CSMD1: variants seen among roughly 807,000 people sequenced by gnomAD.
CSMD1 encodes the protein CUB and sushi domain-containing protein 1.
A neutral mutation model predicts 417.5 loss-of-function variants in CSMD1; 213 were observed. The ratio of observed to expected loss-of-function variants is 0.51; its 90% CI spans 0.46 to 0.57. The LOEUF is 0.57. CSMD1 is among the 20% of genes least tolerant of loss of function. CSMD1 has a pLI of 0.00. For missense variants in CSMD1, 6,923 were observed against 4,529.7 expected (o/e 1.53, Z -15.17); for synonymous variants, 2,862 against 1,736.8 (o/e 1.65, Z -16.11).
intron 2 of CSMD1, among the ~76,000 whole-genome samples, chr8:4,608,022 G>C (rs1800973055): frequency 6.6e-6 from 1 of 152,122 alleles, no homozygotes; most frequent in Non-Finnish European, 1.5e-5. Context: ...TAATGTGAGG[G>C]TGTGTCCTTG....
chr8:3,005,899 A>G (rs1173753598), intron 52 of CSMD1, among the ~76,000 whole-genome samples: 1 of 152,072 alleles, frequency 6.6e-6, no homozygotes, highest in Non-Finnish European at 1.5e-5. Context: ...CCTATTCAAC[A>G]TAGTGTCGGA....
chr8:3,551,664 G>C (rs1268148510), intron 10 of CSMD1, among the ~76,000 whole-genome samples: 2 of 146,234 alleles, frequency 1.4e-5, no homozygotes, highest in African/African-American at 5.0e-5. Flanking sequence ...CCAAGCCAGT[G>C]TATAGTTTCT....
intron 1 of CSMD1, among the ~76,000 whole-genome samples, chr8:4,638,941 T>C (rs2617009): frequency 0.84 from 127,935 of 152,138 alleles, 54,260 homozygotes; most frequent in African/African-American, 0.95. Context: ...TGGAGTAGTT[T>C]GAAAGAATAG....
At chr8:4,900,405 A>G (rs536116022) in intron 1 of CSMD1, among the ~76,000 whole-genome samples, 2 of 152,298 alleles carry the variant, frequency 1.3e-5, no homozygotes, top group East Asian at 1.9e-4. Context: ...CCTCTGCACC[A>G]TATCTATCAC....
At chr8:4,327,852 A>T (rs1269717538) in intron 3 of CSMD1, among the ~76,000 whole-genome samples, 1 of 152,220 alleles carries the variant, frequency 6.6e-6, no homozygotes, top group African/African-American at 2.4e-5. Context: ...TTGAAAGATG[A>T]CACATTTTGT....
chr8:3,376,356 G>C (rs1362233049), intron 18 of CSMD1, among the ~76,000 whole-genome samples: 1 of 151,898 alleles, frequency 6.6e-6, no homozygotes, highest in Non-Finnish European at 1.5e-5. Context: ...TATTTGAATT[G>C]GGAAGGAAAG....
intron 2 of CSMD1, among the ~76,000 whole-genome samples, chr8:4,438,841 G>A (rs972966282): frequency 1.3e-5 from 2 of 152,174 alleles, no homozygotes; most frequent in South Asian, 2.1e-4. Flanking sequence ...ATTGAAAGGT[G>A]TATTATCTGA....
intron 26 of CSMD1, among the ~76,000 whole-genome samples, chr8:3,274,091 T>C (rs1229206916): frequency 6.6e-6 from 1 of 151,974 alleles, no homozygotes; most frequent in Non-Finnish European, 1.5e-5. Context: ...CTCTACACAC[T>C]GCTTTGAATG....
intron 5 of CSMD1, among the ~76,000 whole-genome samples, chr8:3,823,472 G>T (rs1026135615): frequency 6.6e-6 from 1 of 152,060 alleles, no homozygotes; most frequent in Admixed American, 6.6e-5. Context: ...TTTATGCAAC[G>T]AATGTATTTT....
chr8:3,441,732 A>C (rs989195081), intron 12 of CSMD1, among the ~76,000 whole-genome samples: 1 of 152,160 alleles, frequency 6.6e-6, no homozygotes, highest in Non-Finnish European at 1.5e-5. Context: ...GGAGCAGTGC[A>C]ACTGTACACA....
chr8:4,213,461 G>A (rs537569303), intron 3 of CSMD1, among the ~76,000 whole-genome samples: 32 of 152,272 alleles, frequency 2.1e-4, no homozygotes, highest in South Asian at 4.1e-4. Context: ...ACAGTTGCCC[G>A]GATACTGGCC....
chr8:4,376,184 G>T (rs988839394), intron 3 of CSMD1, among the ~76,000 whole-genome samples: 6 of 152,282 alleles, frequency 3.9e-5, no homozygotes, highest in Admixed American at 2.6e-4. Context: ...TGTATCAAAA[G>T]AATTTATTTT....
At chr8:4,326,719 C>A (rs889673630) in intron 3 of CSMD1, among the ~76,000 whole-genome samples, 1 of 151,880 alleles carries the variant, frequency 6.6e-6, no homozygotes, top group African/African-American at 2.4e-5. Context: ...TGGGTAACAC[C>A]AAATGGGGAC....
chr8:3,143,176 C>G (rs1818609825), intron 40 of CSMD1, among the ~76,000 whole-genome samples: 1 of 151,982 alleles, frequency 6.6e-6, no homozygotes, highest in Admixed American at 6.6e-5. Context: ...TTGTGTTTGT[C>G]TGTTTATTTT....
intron 3 of CSMD1, among the ~76,000 whole-genome samples, chr8:4,158,961 G>C (rs747387966): frequency 8.5e-5 from 13 of 152,092 alleles, no homozygotes; most frequent in Non-Finnish European, 1.2e-4. Context: ...TGTTGCCCAG[G>C]TTGGAGTGCA....
intron 7 of CSMD1, among the ~76,000 whole-genome samples, chr8:3,698,569 C>G (rs1202096209): frequency 6.6e-6 from 1 of 152,242 alleles, no homozygotes; most frequent in Non-Finnish European, 1.5e-5. Context: ...AGAAATCACT[C>G]TGGCCTACTA....
At chr8:3,831,301 T>C (rs901809183) in intron 5 of CSMD1, among the ~76,000 whole-genome samples, 1 of 152,164 alleles carries the variant, frequency 6.6e-6, no homozygotes, top group Admixed American at 6.6e-5. Flanking sequence ...TGGGGAGCTG[T>C]GGCATGTTGC....
intron 33 of CSMD1, among the ~76,000 whole-genome samples, chr8:3,190,879 C>A (rs185234110): frequency 1.5e-4 from 23 of 152,222 alleles, no homozygotes; most frequent in African/African-American, 5.5e-4. Context: ...AGAACGAATA[C>A]CTTATGATTC....
chr8:3,946,554 C>A (rs1441063820), intron 5 of CSMD1, among the ~76,000 whole-genome samples: 2 of 152,044 alleles, frequency 1.3e-5, no homozygotes, highest in African/African-American at 4.8e-5. Context: ...TGTGTCAATT[C>A]CTAAAAACAA....
Sources: gnomAD v4.1 joint callset for allele counts (sites outside exome capture counted in the v4.1 genomes callset) on GRCh38, gnomAD v4.1.1 for gene constraint, MANE v1.5 for transcripts, NCBI Gene and HGNC (gene_info 2026-07-23, HGNC 2026-07-21) for gene names.